Variants in TRIM22 observed in about 807,000 individuals in gnomAD.
TRIM22 encodes E3 ubiquitin-protein ligase TRIM22.
TRIM22 carries 45 observed loss-of-function variants against 53.6 expected under a neutral mutation model. That is an observed-to-expected ratio of 0.84 (90% CI 0.66 to 1.08). The LOEUF is 1.08. TRIM22 is among the 50% of genes least tolerant of loss of function. The pLI is 0.00. For missense variants in TRIM22, 616 were observed against 590.9 expected, an observed-to-expected ratio of 1.04 and a Z score of -0.44; for synonymous variants, 225 against 216.6, an observed-to-expected ratio of 1.04 and a Z score of -0.34.
chr11:5,697,388 G>C, intron 3 of TRIM22, 45 bp downstream of exon 3: 1 of 1,454,262 alleles, frequency 6.9e-7, no homozygotes, highest in Non-Finnish European at 9.5e-7. Flanking sequence ...AGGAATCTGG[G>C]CAGGACCCTG....
intron 5 of TRIM22, among the ~76,000 whole-genome samples, chr11:5,707,125 A>G (rs1476647459): frequency 1.3e-5 from 2 of 152,234 alleles, no homozygotes; most frequent in Non-Finnish European, 2.9e-5. Context: ...TCTTGCTCAC[A>G]TACTTTACCG....
Position 5,709,350 on chromosome 11 carries a change from G to C in TRIM22, c.1199G>C (p.Arg400Thr). Residue 400 changes from arginine to threonine, a missense_variant, in exon 8 of 8, where the codon AGA becomes ACA. Transcript: ENST00000379965. ...PSVNYSKVYS[R>T]YRPQYGYWVI... The stretch of plus-strand genomic sequence containing the variant: ...GTAAATTATTCAAAAGTTTACTCCA[G>C]ATATAGACCTCAATATGGCTACTGG... The C allele has an allele frequency of 6.2e-7, 1 of 1,614,206 alleles. No individual in the cohort carries two copies. The highest frequency in any genetic ancestry group is 8.5e-7 in the Non-Finnish European group (1 of 1,180,026).
chr11:5,707,799 G>A (rs113285787), intron 5 of TRIM22, among the ~76,000 whole-genome samples: 3,189 of 151,216 alleles, frequency 0.021, 113 homozygotes, highest in African/African-American at 0.074. Context: ...ATAACAGAGT[G>A]AGACCCCATC....
intron 4 of TRIM22, 44 bp downstream of exon 4, chr11:5,698,589 AAC>A (rs1853313145): frequency 4.0e-6 from 6 of 1,498,946 alleles, no homozygotes; most frequent in African/African-American, 1.4e-5. Flanking sequence ...TTAGGGGAAA[AAC>A]ACAGAGGCCG....
chr11:5,698,243 G>C lies in TRIM22; in HGVS notation c.520-72G>C, dbSNP rs564139368. On this transcript the variant is annotated intron_variant, in intron 3 of 7. Coordinates refer to ENST00000379965, the MANE Select transcript of TRIM22 (RefSeq NM_006074.5). ...CCCTGAGGAAAACTGTTCTTATCCT[G>C]TCTCCCAGGCTCATACAAAGCAGGC... The C allele has an allele frequency of 4.0e-6, 5 of 1,244,078 alleles. No individual in the cohort carries two copies. The East Asian group carries it at 1.2e-4, about 29-fold the overall frequency. The allele number at this position is 1,244,078 out of a possible 1,614,324, so 77.1% of individuals were successfully genotyped here. A position where few individuals can be genotyped will look rare whatever the true frequency, so the allele number is the denominator to read the frequency against.
Position 5,709,663 on chromosome 11 carries a change from T to A in TRIM22, c.*15T>A. 1 of 1,593,698 alleles carries A rather than the reference T, an allele frequency of 6.3e-7. No individual in the cohort carries two copies. ...CGAGCTCCTGAGTGTTCTCATTCCT[T>A]TACCCACTTCTGCATAGTAGCCCTT... On this transcript the variant is annotated 3_prime_UTR_variant, in exon 8 of 8. Transcript: ENST00000379965.
chr11:5,695,875 G>A (rs1293804123), intron 1 of TRIM22, among the ~76,000 whole-genome samples: 1 of 152,182 alleles, frequency 6.6e-6, no homozygotes, highest in Non-Finnish European at 1.5e-5. Flanking sequence ...CAGGACAAAT[G>A]ATGGGTTACA....
Position 5,702,893 on chromosome 11 carries a change from T to C in TRIM22, c.751-3701T>C, listed in dbSNP as rs186837918. ...GGGACAAAATTTCTGAATATAAAAT[T>C]CTTGAGTCATGGGTGTTATTCTTTC... On this transcript the variant is annotated intron_variant, in intron 4 of 7. Transcript: ENST00000379965. 1.1e-3 allele frequency among the ~76,000 whole-genome samples: 162 copies of C among 152,330 alleles called. 1 individual carries two copies. Among genetic ancestry groups the C allele is most frequent in the Non-Finnish European group, 1.9e-3 (126 of 68,038 alleles).
rs181280875 is a variant in TRIM22 at position 5,697,417 on chromosome 11, C to A, written c.519+74C>A. The A allele has an allele frequency of 2.9e-3, 3,003 of 1,043,262 alleles. 10 individuals carry two copies. The highest frequency in any genetic ancestry group is 3.8e-3 in the Non-Finnish European group (2,665 of 709,870). The allele number at this position is 1,043,262 out of a possible 1,614,324, so 64.6% of individuals were successfully genotyped here. Reference sequence around the variant, plus strand: ...GACCCTGGGCTCTATCACAAGGAGACCCCTTCCTCTTTGCTGTGCTAGAAT... The same window carrying A: ...GACCCTGGGCTCTATCACAAGGAGAACCCTTCCTCTTTGCTGTGCTAGAAT... On this transcript the variant is annotated intron_variant, in intron 3 of 7. Transcript: ENST00000379965.
chr11:5,708,448 C>G lies in TRIM22; in HGVS notation c.875-129C>G. The stretch of plus-strand genomic sequence containing the variant: ...AGGGGGAATGACCAGGTGTCTGATT[C>G]ATCCTCTCATTCACCAGTGCAAAGA... On this transcript the variant is annotated intron_variant, in intron 6 of 7. Coordinates refer to ENST00000379965, the MANE Select transcript of TRIM22 (RefSeq NM_006074.5). The G allele has an allele frequency of 2.9e-6, 3 of 1,022,376 alleles. No homozygotes were observed. In the Admixed American group the frequency reaches 7.5e-5, roughly 26 times the overall value. The allele number at this position is 1,022,376 out of a possible 1,614,324, so 63.3% of individuals were successfully genotyped here.
chr11:5,706,755 T>C, intron 5 of TRIM22, 139 bp downstream of exon 5: 1 of 888,718 alleles, frequency 1.1e-6, no homozygotes, highest in Non-Finnish European at 1.6e-6. Flanking sequence ...AAATTGCTAG[T>C]CACAGATTAA....
At chr11:5,708,329 T>A in intron 6 of TRIM22, 56 bp downstream of exon 6, 2 of 1,518,868 alleles carry the variant, frequency 1.3e-6, no homozygotes, top group Non-Finnish European at 1.8e-6. Flanking sequence ...CAGGGCTCAA[T>A]AGGGAAGCGG....
At chr11:5,702,479 T>C (rs915908624) in intron 4 of TRIM22, among the ~76,000 whole-genome samples, 8 of 149,804 alleles carry the variant, frequency 5.3e-5, no homozygotes, top group African/African-American at 1.7e-4. Context: ...AATAACACTA[T>C]ACATATATAT....
chr11:5,694,294 T>C (rs772585204), intron 1 of TRIM22, among the ~76,000 whole-genome samples: 9 of 152,356 alleles, frequency 5.9e-5, no homozygotes, highest in Middle Eastern at 3.4e-3. Context: ...TTGAAATGTA[T>C]ATTGAGTCTA....
chr11:5,699,530 CAAAAAAAAAAAAAAAAAAAAAAAAAAAA>C (rs71053298), intron 4 of TRIM22, among the ~76,000 whole-genome samples: 1,300 of 28,588 alleles, frequency 0.045, 57 homozygotes, highest in Admixed American at 0.075. Context: ...GACTCCGTCT[CAAAAAAAAAAAAAAAAAAAAAAAAAAAA>C]AAAAAAAAAA....
chr11:5,692,876 C>T (rs1218350410), intron 1 of TRIM22, among the ~76,000 whole-genome samples: 3 of 132,920 alleles, frequency 2.3e-5, no homozygotes, highest in South Asian at 2.3e-4. Context: ...TTAATTTAAT[C>T]TTTTTTTTTT....
At chr11:5,698,568 TA>T (rs1590314775) in intron 4 of TRIM22, 23 bp downstream of exon 4, 2 of 1,577,654 alleles carry the variant, frequency 1.3e-6, no homozygotes, top group East Asian at 4.5e-5. Context: ...ATGGAGCACC[TA>T]CGTAAGAGAT....
chr11:5,699,635 C>T (rs73404203), intron 4 of TRIM22, among the ~76,000 whole-genome samples: 11,835 of 139,832 alleles, frequency 0.085, 952 homozygotes, highest in African/African-American at 0.2. Context: ...TTGTTACTCA[C>T]TTTATATGAG....
intron 7 of TRIM22, 115 bp downstream of exon 7, chr11:5,708,718 T>C: frequency 1.5e-5 from 3 of 196,616 alleles, no homozygotes; most frequent in Non-Finnish European, 2.1e-5. Context: ...ATGTAGTTCT[T>C]TTTTTTTTTT....
Sources: gnomAD v4.1 joint callset for allele counts (sites outside exome capture counted in the v4.1 genomes callset) on GRCh38, gnomAD v4.1.1 for gene constraint, MANE v1.5 for transcripts, NCBI Gene and HGNC (gene_info 2026-07-23, HGNC 2026-07-21) for gene names.